SRSF6: variants seen among roughly 807,000 people sequenced by gnomAD.
SRSF6 encodes serine and arginine rich splicing factor 6.
In SRSF6, 17 loss-of-function variants were observed where a neutral mutation model predicts 42.0. The observed-to-expected ratio is 0.40, with a 90% CI of 0.28 to 0.61. The LOEUF (loss-of-function observed/expected upper bound fraction) is 0.61. SRSF6 is among the 20% of genes least tolerant of loss of function. The pLI is 0.37. For synonymous variants in SRSF6, 204 were observed against 166.7 expected (o/e 1.22, Z -1.72); for missense variants, 379 against 471.4 (o/e 0.80, Z 1.81).
In SRSF6 at chr20:43,461,759, A is replaced by G. The variant is rs539074714; in HGVS notation, c.*696A>G. Reference sequence around the variant, plus strand: ...CCCCTTTAACAAGTTGAGTAAAAATAAAAGGTATTTTTTAGTCAATGTGTT... The same window carrying G: ...CCCCTTTAACAAGTTGAGTAAAAATGAAAGGTATTTTTTAGTCAATGTGTT... On this transcript the variant is annotated 3_prime_UTR_variant, in exon 6 of 6. Transcript: ENST00000244020. The G allele has an allele frequency of 1.8e-3, 268 of 152,754 alleles. 1 individual carries two copies. The highest frequency in any genetic ancestry group is 6.3e-3 in the African/African-American group (260 of 41,576). 9.5% of individuals were successfully genotyped at this position (152,754 alleles called of 1,614,324 possible). A position where few individuals can be genotyped will look rare whatever the true frequency, so the allele number is the denominator to read the frequency against.
At chr20:43,458,174 C>A (rs531031791) in intron 1 of SRSF6, 34 bp downstream of exon 1, 1 of 1,597,758 alleles carries the variant, frequency 6.3e-7, no homozygotes, top group South Asian at 1.1e-5. Flanking sequence ...GCCCAGCGTC[C>A]CAGGCCTGGT....
At chr20:43,458,225 C>T (rs112320687) in intron 1 of SRSF6, 85 bp downstream of exon 1, 138 of 1,472,466 alleles carry the variant, frequency 9.4e-5, no homozygotes, top group African/African-American at 8.6e-4. Flanking sequence ...GCCAAGGCCG[C>T]GGCGCCGCGT....
rs2017589627 is a variant in SRSF6, at chr20:43,461,337, G to GTTTTGTTTTTTTT, written c.*278_*279insGTTTTTTTTTTTT. ...GTAAAGATTAAGCTCATTTAGTGTT[G>GTTTTGTTTTTTTT]TTTTTTTTTTTTTTTTTTTTTTTTT... On this transcript the variant is annotated 3_prime_UTR_variant, in exon 6 of 6. Coordinates refer to ENST00000244020, the MANE Select transcript of SRSF6 (RefSeq NM_006275.6). The GTTTTGTTTTTTTT allele has an allele frequency of 6.9e-5, 3 of 43,768 alleles. No homozygotes were observed. The highest frequency in any genetic ancestry group is 2.5e-4 in the African/African-American group (3 of 12,192). The allele number at this position is 43,768 out of a possible 1,614,324, so 2.7% of individuals were successfully genotyped here. A position where few individuals can be genotyped will look rare whatever the true frequency, so the allele number is the denominator to read the frequency against.
intron 2 of SRSF6, 27 bp downstream of exon 2, chr20:43,458,536 G>T (rs1278126276): frequency 1.4e-6 from 2 of 1,470,088 alleles, no homozygotes; most frequent in South Asian, 2.6e-5. Context: ...CGCGCTCCGC[G>T]CCCTTGGGGA....
chr20:43,458,674 C>G (rs1204130464), intron 2 of SRSF6, among the ~76,000 whole-genome samples, 165 bp downstream of exon 2: 4 of 152,116 alleles, frequency 2.6e-5, no homozygotes, highest in African/African-American at 7.2e-5. Context: ...CATGGGACGC[C>G]GGAGCGCGGG....
In SRSF6 at chr20:43,461,334, G is replaced by GTTTTTTTTTTTTTTTTT. The variant is rs1196378267; in HGVS notation, c.*273_*274insTTTTTTTTTTTTTTTTT. ...TTTGTAAAGATTAAGCTCATTTAGT[G>GTTTTTTTTTTTTTTTTT]TTGTTTTTTTTTTTTTTTTTTTTTT... On this transcript the variant is annotated 3_prime_UTR_variant, in exon 6 of 6. Transcript: ENST00000244020. 11 of 56,470 alleles carry GTTTTTTTTTTTTTTTTT rather than the reference G, an allele frequency of 1.9e-4. 1 individual carries two copies. Among genetic ancestry groups the GTTTTTTTTTTTTTTTTT allele is most frequent in the African/African-American group, 7.4e-4 (10 of 13,570 alleles). 3.5% of individuals were successfully genotyped at this position (56,470 alleles called of 1,614,324 possible).
Position 43,460,577 on chromosome 20 carries a change from G to T in SRSF6, c.653G>T (p.Ser218Ile). The T allele has an allele frequency of 6.2e-7, 1 of 1,614,184 alleles. No individual in the cohort carries two copies. The highest frequency in any genetic ancestry group is 8.5e-7 in the Non-Finnish European group (1 of 1,180,048). ...AGGAGCAGCCGCAGTAGATCTCGAA[G>T]TATCTCAAAAAGTCGCTCCCGGTAA... ...SRRSSRSRSR[S>I]ISKSRSRSRS... The change falls in exon 5 of 6, where the codon AGT becomes ATT. Residue 218 changes from serine to isoleucine, a missense_variant. By Grantham distance (142) the Ser-to-Ile change is moderately radical. Transcript: ENST00000244020.
chr20:43,460,802 T>A lies in SRSF6; in HGVS notation c.774T>A (p.His258Gln), dbSNP rs565499739. 6.2e-7 allele frequency: 1 copy of A among 1,614,108 alleles called. No homozygotes were observed. Among genetic ancestry groups the A allele is most frequent in the African/African-American group, 1.3e-5 (1 of 75,012 alleles). Residue 258 changes from histidine (H) to glutamine (Q), a missense_variant, in exon 6 of 6, where the codon CAT becomes CAA. His to Gln is a conservative substitution (Grantham distance 24). Coordinates refer to ENST00000244020, the MANE Select transcript of SRSF6 (RefSeq NM_006275.6). ...KSKPKSDRGS[H>Q]SHSRSRSKDE... is the part of the protein sequence containing the mutation. ...AGCCCAAGTCTGATCGGGGCTCCCA[T>A]TCACATTCTCGAAGCAGATCTAAGG...
In SRSF6 at chr20:43,461,142, T is replaced by C. The variant is rs937756541; in HGVS notation, c.*79T>C. 79 of 1,462,942 alleles carry C rather than the reference T, an allele frequency of 5.4e-5. No homozygotes were observed. The highest frequency in any genetic ancestry group is 6.8e-5 in the Non-Finnish European group (76 of 1,109,564). The allele number at this position is 1,462,942 out of a possible 1,614,324, so 90.6% of individuals were successfully genotyped here. A position where few individuals can be genotyped will look rare whatever the true frequency, so the allele number is the denominator to read the frequency against. ...TACTCTTCCATGTTTATACTTGGCC[T>C]CTTCTGCAAGAGGAATCTCTTGAAA... On this transcript the variant is annotated 3_prime_UTR_variant, in exon 6 of 6. Coordinates refer to ENST00000244020, the MANE Select transcript of SRSF6 (RefSeq NM_006275.6).
intron 2 of SRSF6, chr20:43,459,503 G>A (rs1476867959): frequency 1.1e-4 from 140 of 1,305,596 alleles, no homozygotes; most frequent in Non-Finnish European, 1.3e-4. Context: ...ATTTTACAAT[G>A]TTCTGTAAAA....
intron 2 of SRSF6, 87 bp downstream of exon 2, chr20:43,458,596 C>G (rs1424417903): frequency 1.5e-6 from 2 of 1,322,344 alleles, no homozygotes; most frequent in Non-Finnish European, 2.0e-6. Flanking sequence ...CGGGCAGGCG[C>G]GAGGGCCGGG....
chr20:43,463,701 C>T lies in SRSF6; in HGVS notation c.*2638C>T, dbSNP rs1479997024. ...GTTTGCATTGGCAAGCCATTCCTGT[C>T]TTGAGTATGAGAACAGGATCTTGTG... On this transcript the variant is annotated 3_prime_UTR_variant, in exon 6 of 6. Coordinates refer to ENST00000244020, the MANE Select transcript of SRSF6 (RefSeq NM_006275.6). The T allele has an allele frequency of 6.6e-6, 1 of 152,440 alleles. No homozygotes were observed. Among genetic ancestry groups the T allele is most frequent in the Non-Finnish European group, 1.5e-5 (1 of 68,036 alleles). 9.4% of individuals were successfully genotyped at this position (152,440 alleles called of 1,614,324 possible). A position where few individuals can be genotyped will look rare whatever the true frequency, so the allele number is the denominator to read the frequency against.
Position 43,461,055 on chromosome 20 carries a change from A to G in SRSF6, c.1027A>G (p.Arg343Gly). The change falls in exon 6 of 6, where the codon AGA becomes GGA. Residue 343 changes from arginine (R) to glycine (G), a missense_variant. By Grantham distance (125) the Arg-to-Gly change is moderately radical (BLOSUM62 -2). This residue lies in a region of SRSF6 where 219 missense variants were observed against 216.1 expected (regional missense o/e 1.01). Coordinates refer to ENST00000244020, the MANE Select transcript of SRSF6 (RefSeq NM_006275.6). The stretch of plus-strand genomic sequence containing the variant: ...AAGATCAAGGTCCAGGTCGAGTTCC[A>G]GAGATTAACTCAGAACTCCTTGTTT... ...KSRSRSRSSS[R>G]D 1 of 1,577,700 alleles carries G rather than the reference A, an allele frequency of 6.3e-7. No individual in the cohort carries two copies. Among genetic ancestry groups the G allele is most frequent in the Non-Finnish European group, 8.6e-7 (1 of 1,164,106 alleles).
chr20:43,458,014 G>A lies in SRSF6; in HGVS notation c.-20G>A. 1 of 1,603,410 alleles carries A rather than the reference G, an allele frequency of 6.2e-7. No homozygotes were observed. The highest frequency in any genetic ancestry group is 1.3e-5 in the African/African-American group (1 of 74,424). On this transcript the variant is annotated 5_prime_UTR_variant, in exon 1 of 6. Coordinates refer to ENST00000244020, the MANE Select transcript of SRSF6 (RefSeq NM_006275.6). ...TCCGCCGTTCGACAACCAGCCCTTG[G>A]GTCCCCGCCCGCCACGGACATGCCG...
rs139586426 is a variant in SRSF6 at position 43,459,820 on chromosome 20, C to G, written c.306C>G (p.Tyr102Ter). 1 of 1,613,846 alleles carries G rather than the reference C, an allele frequency of 6.2e-7. No individual in the cohort carries two copies. Among genetic ancestry groups the G allele is most frequent in the Admixed American group, 1.7e-5 (1 of 59,996 alleles). ...SSRRTSGRDK[Y>*]GPPVRTEYRL... ...GGAGAACATCTGGCAGAGACAAATA[C>G]GGACCACCTGTTCGTACAGAATACA... The change falls in exon 3 of 6, where the codon TAC becomes TAG. Residue 102 changes from tyrosine to a stop codon, truncating the protein, a stop_gained. Coordinates refer to ENST00000244020, the MANE Select transcript of SRSF6 (RefSeq NM_006275.6). LOFTEE classifies it high-confidence loss of function.
chr20:43,461,346 T>TTTG lies in SRSF6; in HGVS notation c.*285_*286insGTT, dbSNP rs2017593025. ...AAGCTCATTTAGTGTTGTTTTTTTTTTTTTTTTTTTTTTTTTTTTTTTTTT... is the reference window on the plus strand; with the variant it reads ...AAGCTCATTTAGTGTTGTTTTTTTTTTTGTTTTTTTTTTTTTTTTTTTTTTTTT... On this transcript the variant is annotated 3_prime_UTR_variant, in exon 6 of 6. Coordinates refer to ENST00000244020, the MANE Select transcript of SRSF6 (RefSeq NM_006275.6). The TTTG allele has an allele frequency of 2.1e-5, 1 of 48,202 alleles. No individual in the cohort carries two copies. Among genetic ancestry groups the TTTG allele is most frequent in the African/African-American group, 7.6e-5 (1 of 13,142 alleles). 3.0% of individuals were successfully genotyped at this position (48,202 alleles called of 1,614,324 possible). A position where few individuals can be genotyped will look rare whatever the true frequency, so the allele number is the denominator to read the frequency against.
chr20:43,461,161 C>T lies in SRSF6; in HGVS notation c.*98C>T, dbSNP rs767920490. On this transcript the variant is annotated 3_prime_UTR_variant, in exon 6 of 6. Coordinates refer to ENST00000244020, the MANE Select transcript of SRSF6 (RefSeq NM_006275.6). ...TTGGCCTCTTCTGCAAGAGGAATCT[C>T]TTGAAAACAGGGGCACACAGAAATT... 3.0e-4 allele frequency: 426 copies of T among 1,432,648 alleles called. No individual in the cohort carries two copies. The highest frequency in any genetic ancestry group is 3.8e-4 in the Non-Finnish European group (412 of 1,095,378). 88.7% of individuals were successfully genotyped at this position (1,432,648 alleles called of 1,614,324 possible).
At chr20:43,459,554 C>G in intron 2 of SRSF6, 11 of 1,301,120 alleles carry the variant, frequency 8.5e-6, no homozygotes, top group Non-Finnish European at 1.0e-5. Context: ...AGCAGTCACT[C>G]TCTAACAGAT....
chr20:43,461,337 G>GTTTTTTTTTTTTTT lies in SRSF6; in HGVS notation c.*298_*311dup, dbSNP rs57110045. The GTTTTTTTTTTTTTT allele has an allele frequency of 1.4e-3, 63 of 43,816 alleles. 8 individuals are homozygous for GTTTTTTTTTTTTTT. The highest frequency in any genetic ancestry group is 4.5e-3 in the African/African-American group (55 of 12,240). The allele number at this position is 43,816 out of a possible 1,614,324, so 2.7% of individuals were successfully genotyped here. A position where few individuals can be genotyped will look rare whatever the true frequency, so the allele number is the denominator to read the frequency against. ...GTAAAGATTAAGCTCATTTAGTGTT[G>GTTTTTTTTTTTTTT]TTTTTTTTTTTTTTTTTTTTTTTTT... On this transcript the variant is annotated 3_prime_UTR_variant, in exon 6 of 6. Coordinates refer to ENST00000244020, the MANE Select transcript of SRSF6 (RefSeq NM_006275.6).
Sources: gnomAD v4.1 joint callset for allele counts (sites outside exome capture counted in the v4.1 genomes callset) on GRCh38, gnomAD v4.1.1 for gene constraint, gnomAD v4.1.1 regional missense constraint, MANE v1.5 for transcripts, NCBI Gene and HGNC (gene_info 2026-07-23, HGNC 2026-07-21) for gene names.